IL18R1: variants seen among roughly 807,000 people sequenced by gnomAD.
IL18R1 encodes interleukin-18 receptor 1.
IL18R1 carries 40 observed loss-of-function variants against 48.5 expected under a neutral mutation model. The ratio of observed to expected loss-of-function variants is 0.82; its 90% confidence interval spans 0.64 to 1.07. The LOEUF (loss-of-function observed/expected upper bound fraction) is 1.07. Among genes scored for constraint, IL18R1 ranks in the 50% least tolerant of loss-of-function variants. The probability of loss-of-function intolerance (pLI) is 0.00; values close to 1 mark genes in which losing one functional copy is unlikely to be tolerated. For missense variants in IL18R1, 596 were observed against 633.7 expected (o/e 0.94, Z 0.64); for synonymous variants, 232 against 225.9 (o/e 1.03, Z -0.24).
At chr2:102,358,955 A>C (rs1464863734) in intron 1 of IL18R1, among the ~76,000 whole-genome samples, 1 of 152,162 alleles carries the variant, frequency 6.6e-6, no homozygotes, top group Non-Finnish European at 1.5e-5. Context: ...TATGACAGTT[A>C]GTGATAAGTG....
chr2:102,386,632 A>G (rs1559631034), intron 7 of IL18R1, among the ~76,000 whole-genome samples: 1 of 152,206 alleles, frequency 6.6e-6, no homozygotes. Flanking sequence ...AACTTCAGGT[A>G]ATTGACAGCA....
chr2:102,373,140 T>C (rs985925009), intron 4 of IL18R1, among the ~76,000 whole-genome samples: 1 of 152,224 alleles, frequency 6.6e-6, no homozygotes, highest in African/African-American at 2.4e-5. Flanking sequence ...AATTAAACTT[T>C]TGTATATATT....
At chr2:102,357,345 G>A (rs1024011586) in intron 1 of IL18R1, among the ~76,000 whole-genome samples, 3 of 152,028 alleles carry the variant, frequency 2.0e-5, no homozygotes, top group African/African-American at 7.3e-5. Context: ...CAGAAAATTA[G>A]CCAGGCATGG....
Position 102,396,793 on chromosome 2 carries a change from G to T in IL18R1, c.1533G>T (p.Arg511Ser). The T allele has an allele frequency of 6.2e-7, 1 of 1,614,030 alleles. No homozygotes were observed. The highest frequency in any genetic ancestry group is 8.5e-7 in the Non-Finnish European group (1 of 1,179,978). ...KADKSLSYNS[R>S]FWKNLLYLMP... ...ATAAATCTCTTTCTTATAACTCAAGGTTCTGGAAGAACCTTCTTTACTTAA... is the reference window on the plus strand; with the variant it reads ...ATAAATCTCTTTCTTATAACTCAAGTTTCTGGAAGAACCTTCTTTACTTAA... The change falls in exon 11 of 11, where the codon AGG becomes AGT. Residue 511 changes from arginine to serine, a missense_variant. This residue lies in a region of IL18R1 where 179 missense variants were observed against 206.1 expected (regional missense o/e 0.87). Coordinates refer to ENST00000233957, the MANE Select transcript of IL18R1 (RefSeq NM_003855.5).
chr2:102,375,683 C>T (rs555716783), intron 4 of IL18R1, among the ~76,000 whole-genome samples: 12 of 152,304 alleles, frequency 7.9e-5, no homozygotes, highest in Non-Finnish European at 1.6e-4. Context: ...CCATGCTCTA[C>T]TTCCCAGCAT....
At chr2:102,374,267 G>T (rs1679443076) in intron 4 of IL18R1, among the ~76,000 whole-genome samples, 1 of 152,216 alleles carries the variant, frequency 6.6e-6, no homozygotes, top group Admixed American at 6.5e-5. Flanking sequence ...GGTCTGAACA[G>T]AACTTGGGAA....
intron 3 of IL18R1, among the ~76,000 whole-genome samples, chr2:102,369,630 T>C (rs1192184332): frequency 6.6e-6 from 1 of 152,222 alleles, no homozygotes; most frequent in Admixed American, 6.5e-5. Context: ...TATTCAAATA[T>C]AGCATAATTA....
At chr2:102,371,142 C>T (rs1010795906) in intron 3 of IL18R1, among the ~76,000 whole-genome samples, 3 of 152,032 alleles carry the variant, frequency 2.0e-5, no homozygotes, top group African/African-American at 4.8e-5. Flanking sequence ...CTGCAACCTC[C>T]GCCTCCTGCC....
chr2:102,395,383 T>C (rs1680767622), intron 10 of IL18R1, among the ~76,000 whole-genome samples: 1 of 151,996 alleles, frequency 6.6e-6, no homozygotes, highest in African/African-American at 2.4e-5. Flanking sequence ...CCATCATTCA[T>C]GTATTAATCT....
intron 1 of IL18R1, among the ~76,000 whole-genome samples, chr2:102,362,284 C>T (rs533236065): frequency 6.6e-6 from 1 of 152,198 alleles, no homozygotes; most frequent in Non-Finnish European, 1.5e-5. Flanking sequence ...CTCAGCATGT[C>T]ACAGATTGTT....
At chr2:102,368,623 G>A (rs1389857118) in intron 3 of IL18R1, among the ~76,000 whole-genome samples, 3 of 152,130 alleles carry the variant, frequency 2.0e-5, no homozygotes, top group South Asian at 4.1e-4. Context: ...ACACGGAAGG[G>A]CTTTGCATTT....
chr2:102,378,531 T>C (rs1679729791), intron 5 of IL18R1, among the ~76,000 whole-genome samples: 1 of 152,256 alleles, frequency 6.6e-6, no homozygotes, highest in African/African-American at 2.4e-5. Flanking sequence ...GAATGTCAAC[T>C]GAGTCTCTCA....
intron 4 of IL18R1, among the ~76,000 whole-genome samples, chr2:102,372,722 G>A (rs574550477): frequency 6.6e-6 from 1 of 152,102 alleles, no homozygotes; most frequent in East Asian, 1.9e-4. Context: ...CTAAACATGG[G>A]CTTTCAGTTT....
At chr2:102,363,683 G>A (rs932281746) in intron 2 of IL18R1, among the ~76,000 whole-genome samples, 1 of 148,426 alleles carries the variant, frequency 6.7e-6, no homozygotes, top group African/African-American at 2.6e-5. Flanking sequence ...GCAGCCAGTT[G>A]TGCAAAGTTG....
intron 10 of IL18R1, 34 bp downstream of exon 10, chr2:102,394,661 G>A (rs770210065): frequency 1.3e-6 from 2 of 1,545,474 alleles, no homozygotes; most frequent in South Asian, 2.4e-5. Flanking sequence ...AAATATTCAA[G>A]ATAGTTTCTT....
intron 6 of IL18R1, among the ~76,000 whole-genome samples, chr2:102,384,661 A>T (rs1269297008): frequency 6.6e-6 from 1 of 152,208 alleles, no homozygotes. Flanking sequence ...AAATGTTTAA[A>T]AAGAAGCCAA....
intron 6 of IL18R1, among the ~76,000 whole-genome samples, chr2:102,384,425 C>T (rs1680104907): frequency 6.6e-6 from 1 of 152,200 alleles, no homozygotes; most frequent in Non-Finnish European, 1.5e-5. Flanking sequence ...AATGAAATGG[C>T]CACCTATCTT....
At chr2:102,387,998 A>G (rs1680338092) in intron 8 of IL18R1, among the ~76,000 whole-genome samples, 1 of 152,182 alleles carries the variant, frequency 6.6e-6, no homozygotes, top group Non-Finnish European at 1.5e-5. Context: ...GGATGCAAAT[A>G]CAGAGAGATG....
At chr2:102,357,147 A>G (rs546528820) in intron 1 of IL18R1, among the ~76,000 whole-genome samples, 3 of 152,268 alleles carry the variant, frequency 2.0e-5, no homozygotes, top group Admixed American at 1.3e-4. Flanking sequence ...TTCTGGGGAC[A>G]GTGTTTTCCC....
Sources: allele counts gnomAD v4.1 joint callset (sites outside exome capture counted in the v4.1 genomes callset), GRCh38; gene constraint gnomAD v4.1.1; regional missense constraint gnomAD v4.1.1; transcripts MANE v1.5; gene names NCBI Gene and HGNC (gene_info 2026-07-23, HGNC 2026-07-21).